BROX: variants seen among roughly 807,000 people sequenced by gnomAD.
The protein encoded by BROX is BRO1 domain-containing protein BROX.
In BROX, 53 loss-of-function variants were observed where a neutral mutation model predicts 61.0. The ratio of observed to expected loss-of-function variants is 0.87; its 90% confidence interval spans 0.70 to 1.09. The LOEUF (loss-of-function observed/expected upper bound fraction) is 1.09. Among genes scored for constraint, BROX ranks in the 50% least tolerant of loss-of-function variants. BROX has a pLI of 0.00. For synonymous variants in BROX, 152 were observed against 160.2 expected (o/e 0.95, Z 0.38); for missense variants, 489 against 472.0 (o/e 1.04, Z -0.33).
At position 222,728,808 on chromosome 1, in the gene BROX, A is replaced by T. The variant is rs201964914; in HGVS notation, c.736A>T (p.Met246Leu). 1 of 1,601,136 alleles carries T rather than the reference A, an allele frequency of 6.2e-7. No individual in the cohort carries two copies. The highest frequency in any genetic ancestry group is 1.1e-5 in the South Asian group (1 of 90,166). ...ATGGAGAAAATATCTTCACTTGAAG[A>T]TGTGTTTCTACACAGCTTATGTAAG... The part of the protein sequence containing the change: ...AKWRKYLHLK[M>L]CFYTAYAYCY... Residue 246 changes from methionine to leucine, a missense_variant, in exon 9 of 13, where the codon ATG (methionine) becomes TTG (leucine). Transcript: ENST00000340934.
Position 222,732,752 on chromosome 1 carries a change from A to G in BROX, c.*38A>G, listed in dbSNP as rs199674355. The G allele has an allele frequency of 2.1e-6, 3 of 1,453,004 alleles. No homozygotes were observed. In the African/African-American group the frequency reaches 4.3e-5, roughly 21 times the overall value. The allele number at this position is 1,453,004 out of a possible 1,614,324, so 90.0% of individuals were successfully genotyped here. A position where few individuals can be genotyped will look rare whatever the true frequency, so the allele number is the denominator to read the frequency against. On this transcript the variant is annotated 3_prime_UTR_variant, in exon 13 of 13. Transcript: ENST00000340934. ...ACTTAGAATTTCTCTAGCAGTAAATAAGATAAACCACAGAATTTCAGTTCT... is the reference window on the plus strand; with the variant it reads ...ACTTAGAATTTCTCTAGCAGTAAATGAGATAAACCACAGAATTTCAGTTCT...
chr1:222,729,676 C>G lies in BROX; in HGVS notation c.813C>G (p.Ile271Met). The G allele has an allele frequency of 1.2e-6, 2 of 1,612,330 alleles. No individual in the cohort carries two copies. The highest frequency in any genetic ancestry group is 1.7e-6 in the Non-Finnish European group (2 of 1,178,754). ...CTAGTGATAAATGCGGTGAAGCAAT[C>G]AGGTCTCTCCAAGAAGCAGAAAAAT... Reference protein sequence around the residue: ...LLASDKCGEAIRSLQEAEKLY... With the variant: ...LLASDKCGEAMRSLQEAEKLY... Residue 271 changes from isoleucine to methionine, a missense_variant, in exon 10 of 13, where the codon ATC (isoleucine) becomes ATG (methionine). By Grantham distance (10) the Ile-to-Met change is conservative. Coordinates refer to ENST00000340934, the MANE Select transcript of BROX (RefSeq NM_144695.4).
chr1:222,727,472 T>G (rs542473172), intron 8 of BROX, among the ~76,000 whole-genome samples: 5 of 152,226 alleles, frequency 3.3e-5, no homozygotes, highest in African/African-American at 1.2e-4. Context: ...CTCATAAAAT[T>G]ATACAGCTTT....
Position 222,712,593 on chromosome 1 carries a change from G to A in BROX, c.-366G>A. On this transcript the variant is annotated 5_prime_UTR_variant, in exon 1 of 13. Transcript: ENST00000340934. ...CGCCGAGGGCCGCCATCGCTATTGC[G>A]GCATTCTCCCTCGGCTCCGGAGGTA... 58 of 1,362,400 alleles carry A rather than the reference G, an allele frequency of 4.3e-5. No homozygotes were observed. The highest frequency in any genetic ancestry group is 5.4e-5 in the Non-Finnish European group (56 of 1,045,586). 84.4% of individuals were successfully genotyped at this position (1,362,400 alleles called of 1,614,324 possible). A position where few individuals can be genotyped will look rare whatever the true frequency, so the allele number is the denominator to read the frequency against.
intron 1 of BROX, chr1:222,713,539 G>A (rs946820048): frequency 9.9e-6 from 7 of 709,714 alleles, no homozygotes; most frequent in Non-Finnish European, 1.2e-5. Context: ...GGCTCTAAAG[G>A]CACCCTTGTC....
At chr1:222,722,021 T>C (rs1012514813) in intron 4 of BROX, among the ~76,000 whole-genome samples, 1 of 152,146 alleles carries the variant, frequency 6.6e-6, no homozygotes, top group African/African-American at 2.4e-5. Context: ...TCCTCTGAAT[T>C]TGATTTTTCT....
chr1:222,716,807 A>G (rs1488994624), intron 2 of BROX, among the ~76,000 whole-genome samples: 1 of 152,228 alleles, frequency 6.6e-6, no homozygotes, highest in African/African-American at 2.4e-5. Context: ...GGAGAATGTT[A>G]TTTCTGTCAG....
chr1:222,715,691 C>T lies in BROX; in HGVS notation c.-9C>T. 3 of 1,457,506 alleles carry T rather than the reference C, an allele frequency of 2.1e-6. No individual in the cohort carries two copies. Among genetic ancestry groups the T allele is most frequent in the Non-Finnish European group, 2.7e-6 (3 of 1,098,986 alleles). The allele number at this position is 1,457,506 out of a possible 1,614,324, so 90.3% of individuals were successfully genotyped here. A position where few individuals can be genotyped will look rare whatever the true frequency, so the allele number is the denominator to read the frequency against. On this transcript the variant is annotated 5_prime_UTR_variant, in exon 2 of 13. Coordinates refer to ENST00000340934, the MANE Select transcript of BROX (RefSeq NM_144695.4). ...TTACTTTTTTGTCTATAGAAAACAT[C>T]TGGAGAAAATGACCCATTGGTTTCA...
chr1:222,733,063 C>CTTTTTTTTTTTCTT lies in BROX; in HGVS notation c.*360_*361insCTTTTTTTTTTTTT, dbSNP rs1658058998. The CTTTTTTTTTTTCTT allele has an allele frequency of 1.5e-4, 16 of 104,872 alleles. No individual in the cohort carries two copies. The highest frequency in any genetic ancestry group is 3.3e-4 in the African/African-American group (9 of 27,288). The allele number at this position is 104,872 out of a possible 1,614,324, so 6.5% of individuals were successfully genotyped here. A position where few individuals can be genotyped will look rare whatever the true frequency, so the allele number is the denominator to read the frequency against. On this transcript the variant is annotated 3_prime_UTR_variant, in exon 13 of 13. Transcript: ENST00000340934. ...AGGTATGTTTTTCTTTTTTCTTTTTCTTTTTTTTTTTTCTTTTTTTTTTTT... is the reference window on the plus strand; with the variant it reads ...AGGTATGTTTTTCTTTTTTCTTTTTCTTTTTTTTTTTCTTTTTTTTTTTTTTCTTTTTTTTTTTT...
intron 7 of BROX, among the ~76,000 whole-genome samples, chr1:222,725,930 A>G (rs1163740172): frequency 6.6e-6 from 1 of 152,214 alleles, no homozygotes; most frequent in Non-Finnish European, 1.5e-5. Flanking sequence ...AATTAATTAA[A>G]ATAAAAATCA....
intron 5 of BROX, among the ~76,000 whole-genome samples, chr1:222,723,638 T>C: frequency 6.6e-6 from 1 of 152,234 alleles, no homozygotes; most frequent in Non-Finnish European, 1.5e-5. Flanking sequence ...AACGTACATT[T>C]CATATGCATT....
chr1:222,725,467 A>T lies in BROX; in HGVS notation c.492A>T (p.Lys164Asn). The T allele has an allele frequency of 6.2e-7, 1 of 1,607,732 alleles. No individual in the cohort carries two copies. Among genetic ancestry groups the T allele is most frequent in the Non-Finnish European group, 8.5e-7 (1 of 1,177,936 alleles). ...GTTCTCAGGAAAGTCATCTCCCAAA[A>T]CTCATTACACCTGCGGAAAAAGGAA... ...FKHLKESHLPKLITPAEKGRD... is the reference protein window; with the variant it reads ...FKHLKESHLPNLITPAEKGRD... Residue 164 changes from lysine (K) to asparagine (N), a missense_variant, in exon 7 of 13, where the codon AAA becomes AAT. Transcript: ENST00000340934.
intron 8 of BROX, among the ~76,000 whole-genome samples, chr1:222,727,768 A>T (rs1001139450): frequency 6.6e-6 from 1 of 152,216 alleles, no homozygotes; most frequent in Non-Finnish European, 1.5e-5. Flanking sequence ...TAACCCCGTT[A>T]TTATATCCTG....
rs1656148415 is a variant in BROX, at chr1:222,712,742, G to A, written c.-217G>A. The stretch of plus-strand genomic sequence containing the variant: ...GGACTGCAACGCCGCGGCAATACCC[G>A]CCCCTGAGCTGCGCGCACTACCGCC... On this transcript the variant is annotated 5_prime_UTR_variant, in exon 1 of 13. Transcript: ENST00000340934. 1 of 1,289,938 alleles carries A rather than the reference G, an allele frequency of 7.8e-7. No individual in the cohort carries two copies. Among genetic ancestry groups the A allele is most frequent in the Non-Finnish European group, 1.0e-6 (1 of 989,268 alleles). 79.9% of individuals were successfully genotyped at this position (1,289,938 alleles called of 1,614,324 possible). A position where few individuals can be genotyped will look rare whatever the true frequency, so the allele number is the denominator to read the frequency against.
intron 10 of BROX, 129 bp downstream of exon 10, chr1:222,729,830 G>A: frequency 9.3e-7 from 1 of 1,075,736 alleles, no homozygotes; most frequent in Non-Finnish European, 1.3e-6. Context: ...GACATAATTG[G>A]AGAAAAGAAA....
chr1:222,712,727 G>A lies in BROX; in HGVS notation c.-232G>A, dbSNP rs1355660493. On this transcript the variant is annotated 5_prime_UTR_variant, in exon 1 of 13. Coordinates refer to ENST00000340934, the MANE Select transcript of BROX (RefSeq NM_144695.4). The stretch of plus-strand genomic sequence containing the variant: ...CGAAGCGTTTTGAGGGGACTGCAAC[G>A]CCGCGGCAATACCCGCCCCTGAGCT... 7.7e-7 allele frequency: 1 copy of A among 1,290,694 alleles called. No homozygotes were observed. The highest frequency in any genetic ancestry group is 1.5e-5 in the African/African-American group (1 of 66,088). 80.0% of individuals were successfully genotyped at this position (1,290,694 alleles called of 1,614,324 possible).
In BROX at chr1:222,718,994, GA is replaced by G; in HGVS notation, c.173del (p.Lys58ArgfsTer15). On this transcript the variant is annotated frameshift_variant, in exon 3 of 13. Coordinates refer to ENST00000340934, the MANE Select transcript of BROX (RefSeq NM_144695.4). LOFTEE classifies it high-confidence loss of function. ...ATTTGAGCTGTAATCCAGAAATGAT[GA>G]AGAATGCAGCAGATTCATATTTCTC... Reference protein sequence around the residue: ...TDLSCNPEMMKNAADSYFSLL... With the variant: ...TDLSCNPEMMXNAADSYFSLL... The G allele has an allele frequency of 6.2e-7, 1 of 1,613,782 alleles. No homozygotes were observed.
chr1:222,714,383 C>G (rs987701014), intron 1 of BROX, among the ~76,000 whole-genome samples: 4 of 150,256 alleles, frequency 2.7e-5, no homozygotes, highest in Admixed American at 2.6e-4. Flanking sequence ...TTTTTTTGTA[C>G]TTTTAGTAGA....
At position 222,731,355 on chromosome 1, in the gene BROX, A is replaced by G; in HGVS notation, c.990-2A>G. On this transcript the variant is annotated splice_acceptor_variant, in intron 11 of 12. Transcript: ENST00000340934. LOFTEE classifies it high-confidence loss of function. ...AATTGCTATTTAAATTATTTTTTGC[A>G]GTTACTTTCAAAAAATTCCAACAGA... is the stretch of plus-strand genomic sequence containing the variant. 6.4e-7 allele frequency: 1 copy of G among 1,558,940 alleles called. No individual in the cohort carries two copies. Among genetic ancestry groups the G allele is most frequent in the Non-Finnish European group, 8.6e-7 (1 of 1,162,810 alleles).
Sources: allele counts gnomAD v4.1 joint callset (sites outside exome capture counted in the v4.1 genomes callset), GRCh38; gene constraint gnomAD v4.1.1; transcripts MANE v1.5; gene names NCBI Gene and HGNC (gene_info 2026-07-23, HGNC 2026-07-21).